The following NCAM2 variants were observed in gnomAD, a reference collection of about 807,000 sequenced individuals.
NCAM2 encodes neural cell adhesion molecule 2.
NCAM2 carries 30 observed loss-of-function variants against 98.1 expected under a neutral mutation model. The ratio of observed to expected loss-of-function variants is 0.31; its 90% CI spans 0.23 to 0.41. The LOEUF is 0.41. Ranked by LOEUF, NCAM2 falls within the 10% of genes least tolerant of loss-of-function variation. The pLI is 1.00. For synonymous variants in NCAM2, 368 were observed against 342.4 expected (o/e 1.07, Z -0.83); for missense variants, 867 against 1,005.8 (o/e 0.86, Z 1.87).
At chr21:21,305,130 C>T (rs1185164767) in intron 5 of NCAM2, among the ~76,000 whole-genome samples, 1 of 151,988 alleles carries the variant, frequency 6.6e-6, no homozygotes, top group Non-Finnish European at 1.5e-5. Flanking sequence ...CCAGCCTGGT[C>T]AACATGGTGT....
chr21:21,472,017 A>G (rs17003871), intron 14 of NCAM2, among the ~76,000 whole-genome samples: 4,774 of 152,174 alleles, frequency 0.031, 261 homozygotes, highest in African/African-American at 0.11. Flanking sequence ...TGTTTGGAAA[A>G]AATCATGAAG....
At chr21:21,277,977 T>G in intron 1 of NCAM2, among the ~76,000 whole-genome samples, 1 of 152,114 alleles carries the variant, frequency 6.6e-6, no homozygotes, top group East Asian at 1.9e-4. Flanking sequence ...AATTTTGATG[T>G]TAGAGGAATA....
chr21:21,339,310 A>G (rs1257308702), intron 8 of NCAM2, among the ~76,000 whole-genome samples: 5 of 152,118 alleles, frequency 3.3e-5, no homozygotes, highest in African/African-American at 1.2e-4. Flanking sequence ...GTACAAACAA[A>G]TTACTGCATT....
At chr21:21,053,167 A>G (rs1309776552) in intron 1 of NCAM2, among the ~76,000 whole-genome samples, 1 of 152,138 alleles carries the variant, frequency 6.6e-6, no homozygotes, top group African/African-American at 2.4e-5. Flanking sequence ...TCAAAGTAGC[A>G]TTTAAAATTT....
intron 1 of NCAM2, among the ~76,000 whole-genome samples, chr21:21,203,240 T>C (rs2069302736): frequency 6.6e-6 from 1 of 152,232 alleles, no homozygotes; most frequent in African/African-American, 2.4e-5. Context: ...ATTAATTGGC[T>C]CCTTTTACCT....
intron 1 of NCAM2, among the ~76,000 whole-genome samples, chr21:21,250,856 C>A (rs1250719379): frequency 2.0e-5 from 3 of 152,180 alleles, no homozygotes; most frequent in Non-Finnish European, 4.4e-5. Context: ...TAACGAATTT[C>A]TTTCTGGTCC....
chr21:21,500,292 C>T (rs1205608252), intron 15 of NCAM2, among the ~76,000 whole-genome samples: 1 of 151,942 alleles, frequency 6.6e-6, no homozygotes, highest in Non-Finnish European at 1.5e-5. Context: ...ACATTGGAAA[C>T]CTCAAAAGTA....
chr21:21,005,675 C>G (rs1473386606), intron 1 of NCAM2, among the ~76,000 whole-genome samples: 3 of 151,900 alleles, frequency 2.0e-5, no homozygotes, highest in Admixed American at 6.6e-5. Flanking sequence ...GGTAAAATCT[C>G]AGAAGTATGT....
intron 1 of NCAM2, among the ~76,000 whole-genome samples, chr21:21,198,180 G>A (rs1187467740): frequency 9.0e-6 from 1 of 111,298 alleles, no homozygotes; most frequent in Non-Finnish European, 1.8e-5. Context: ...AATATGTAAA[G>A]TATATGTGTG....
At position 21,009,575 on chromosome 21, in the gene NCAM2, A is replaced by G. The variant is rs140183538; in HGVS notation, c.55+10957A>G. 7.1e-3 allele frequency among the ~76,000 whole-genome samples: 1,073 copies of G among 152,122 alleles called. 13 individuals carry two copies. Among genetic ancestry groups the G allele is most frequent in the African/African-American group, 0.024 (997 of 41,544 alleles). ...TATATATATTGAAATATATAAATAA[A>G]TGAGGGGGATATAATATCTTGATAA... is the stretch of plus-strand genomic sequence containing the variant. On this transcript the variant is annotated intron_variant, in intron 1 of 17. Coordinates refer to ENST00000400546, the MANE Select transcript of NCAM2 (RefSeq NM_004540.5).
intron 12 of NCAM2, 102 bp downstream of exon 12, chr21:21,432,383 A>G: frequency 9.4e-7 from 1 of 1,060,886 alleles, no homozygotes. Flanking sequence ...CTTTTCTTTT[A>G]ATAAAATGGT....
chr21:21,328,874 A>T (rs1221731852), intron 6 of NCAM2, among the ~76,000 whole-genome samples: 1 of 151,984 alleles, frequency 6.6e-6, no homozygotes, highest in Admixed American at 6.6e-5. Context: ...CCACTTACTC[A>T]CTGAGTCACC....
chr21:21,537,286 A>T (rs920071240), intron 17 of NCAM2, among the ~76,000 whole-genome samples: 8 of 151,940 alleles, frequency 5.3e-5, no homozygotes, highest in African/African-American at 1.9e-4. Context: ...ACCTCAAGTG[A>T]TCCACCCGCC....
intron 12 of NCAM2, among the ~76,000 whole-genome samples, chr21:21,433,500 G>T (rs1222695961): frequency 1.3e-5 from 2 of 151,876 alleles, no homozygotes; most frequent in African/African-American, 4.8e-5. Context: ...AGCACTTTTG[G>T]AGGCTGAGGC....
chr21:21,238,346 T>G (rs2070928161), intron 1 of NCAM2, among the ~76,000 whole-genome samples: 1 of 152,206 alleles, frequency 6.6e-6, no homozygotes, highest in African/African-American at 2.4e-5. Context: ...TTGTTTTCAT[T>G]TAAAATAATA....
intron 16 of NCAM2, among the ~76,000 whole-genome samples, chr21:21,532,206 A>G (rs529143674): frequency 1.3e-5 from 2 of 152,030 alleles, no homozygotes; most frequent in Non-Finnish European, 2.9e-5. Context: ...ATACAACAGC[A>G]TAGTATGCAG....
At chr21:21,151,807 T>C (rs1384836762) in intron 1 of NCAM2, among the ~76,000 whole-genome samples, 1 of 152,034 alleles carries the variant, frequency 6.6e-6, no homozygotes, top group Non-Finnish European at 1.5e-5. Context: ...TTTTCTTGTT[T>C]GCATTATTCC....
intron 1 of NCAM2, among the ~76,000 whole-genome samples, chr21:21,056,958 A>G (rs1028801059): frequency 1.3e-5 from 2 of 152,048 alleles, no homozygotes; most frequent in Admixed American, 6.6e-5. Context: ...CTCTTTAATT[A>G]TAGACTGGAC....
At chr21:21,394,456 T>C (rs114414703) in intron 9 of NCAM2, among the ~76,000 whole-genome samples, 1,722 of 147,032 alleles carry the variant, frequency 0.012, 42 homozygotes, top group African/African-American at 0.041. Flanking sequence ...CCTTAGTTAA[T>C]TTAAGGGGCC....
Sources: allele counts gnomAD v4.1 joint callset (sites outside exome capture counted in the v4.1 genomes callset), GRCh38; gene constraint gnomAD v4.1.1; transcripts MANE v1.5; gene names NCBI Gene and HGNC (gene_info 2026-07-23, HGNC 2026-07-21).